ZNF680: variants seen among roughly 807,000 people sequenced by gnomAD.
ZNF680 encodes the protein hypothetical protein FLJ90430.
In ZNF680, 6 loss-of-function variants were observed where a neutral mutation model predicts 12.1. The observed-to-expected ratio is 0.49, with a 90% CI of 0.27 to 0.98. ZNF680 has a LOEUF of 0.98. ZNF680 is among the 50% of genes least tolerant of loss of function. The pLI is 0.12. For synonymous variants in ZNF680, 170 were observed against 199.3 expected (o/e 0.85, Z 1.24); for missense variants, 561 against 616.3 (o/e 0.91, Z 0.95).
chr7:64,528,313 G>C (rs1246170744), intron 3 of ZNF680, among the ~76,000 whole-genome samples: 1 of 152,158 alleles, frequency 6.6e-6, no homozygotes, highest in Non-Finnish European at 1.5e-5. Context: ...CCAGAACTCG[G>C]CAAAGGGCGA....
intron 1 of ZNF680, among the ~76,000 whole-genome samples, chr7:64,555,444 G>C (rs967738393): frequency 6.6e-6 from 1 of 150,990 alleles, no homozygotes; most frequent in African/African-American, 2.4e-5. Flanking sequence ...CAGAAATCAA[G>C]TTCATTGCAA....
At chr7:64,529,566 G>T (rs915645011) in intron 3 of ZNF680, among the ~76,000 whole-genome samples, 4 of 152,024 alleles carry the variant, frequency 2.6e-5, no homozygotes, top group Non-Finnish European at 5.9e-5. Context: ...CAAAGACAAG[G>T]TCTTCAAATT....
intron 3 of ZNF680, among the ~76,000 whole-genome samples, chr7:64,540,978 GTATT>G (rs1239932608): frequency 6.6e-6 from 1 of 152,062 alleles, no homozygotes; most frequent in Admixed American, 6.6e-5. Context: ...CAAGAAATTA[GTATT>G]TATGTTTTAA....
At chr7:64,532,488 T>G (rs763322141) in intron 3 of ZNF680, among the ~76,000 whole-genome samples, 4 of 152,048 alleles carry the variant, frequency 2.6e-5, no homozygotes, top group Non-Finnish European at 4.4e-5. Flanking sequence ...AAAACCCTCC[T>G]ACCCTGAACA....
the ZNF680 span, chr7:64,500,683 G>T: frequency 4.3e-6 from 1 of 233,934 alleles, no homozygotes. Context: ...AAGAGACGAA[G>T]ACTGAGCGGT....
chr7:64,526,535 GA>G, intron 3 of ZNF680: 1 of 521,084 alleles, frequency 1.9e-6, no homozygotes, highest in Non-Finnish European at 3.2e-6. Flanking sequence ...TAAACAAACA[GA>G]AATGCTAAAA....
At chr7:64,519,506 AG>A (rs1187840679), downstream of ZNF680, among the ~76,000 whole-genome samples, 3 of 151,794 alleles carry the variant, frequency 2.0e-5, no homozygotes, top group African/African-American at 7.2e-5. Context: ...GAGGAAAAAA[AG>A]GCATTATATG....
At chr7:64,503,207 A>G in the ZNF680 span, among the ~76,000 whole-genome samples, 1 of 152,068 alleles carries the variant, frequency 6.6e-6, no homozygotes, top group African/African-American at 2.4e-5. Context: ...TTTAGACAAA[A>G]ATAATGAACT....
the ZNF680 span, among the ~76,000 whole-genome samples, chr7:64,502,804 T>A: frequency 6.6e-6 from 1 of 152,322 alleles, no homozygotes; most frequent in South Asian, 2.1e-4. Flanking sequence ...CAAAACCGAA[T>A]AATATATCTG....
At position 64,520,948 on chromosome 7, in the gene ZNF680, C is replaced by A. The variant is rs1161132815; in HGVS notation, c.*213G>T. 4.0e-6 allele frequency: 2 copies of A among 501,602 alleles called. No individual in the cohort carries two copies. Among genetic ancestry groups the A allele is most frequent in the East Asian group, 3.5e-5 (1 of 28,538 alleles). The allele number at this position is 501,602 out of a possible 1,614,324, so 31.1% of individuals were successfully genotyped here. ...CAATGACTTTTTCACATTCTTTATA[C>A]TTGTACAATCTTTCTCAAGTAAAAA... On this transcript the variant is annotated 3_prime_UTR_variant, in exon 4 of 4. Coordinates refer to ENST00000309683, the MANE Select transcript of ZNF680 (RefSeq NM_178558.5).
At chr7:64,512,902 TAAAA>T in the ZNF680 span, among the ~76,000 whole-genome samples, 110 of 152,272 alleles carry the variant, frequency 7.2e-4, no homozygotes, top group African/African-American at 2.6e-3. Flanking sequence ...CTTTAATCTT[TAAAA>T]AATAAAATCA....
At chr7:64,522,614 A>G in intron 3 of ZNF680, 114 bp from the exon 4 acceptor site, 1 of 866,900 alleles carries the variant, frequency 1.2e-6, no homozygotes, top group Non-Finnish European at 1.5e-6. Context: ...AAAAATAAAT[A>G]ACTAAAAAAT....
chr7:64,554,693 AC>A (rs1226784541), intron 1 of ZNF680, among the ~76,000 whole-genome samples: 2 of 152,072 alleles, frequency 1.3e-5, no homozygotes, highest in African/African-American at 4.8e-5. Flanking sequence ...CTTGCCCCCA[AC>A]CCCGTGCTCT....
the ZNF680 span, among the ~76,000 whole-genome samples, chr7:64,504,223 C>A: frequency 6.6e-6 from 1 of 152,122 alleles, no homozygotes; most frequent in Non-Finnish European, 1.5e-5. Context: ...CCCTCTTTCA[C>A]TATTTCAATG....
At chr7:64,515,301 A>C (rs1366998785), downstream of ZNF680, among the ~76,000 whole-genome samples, 8 of 152,046 alleles carry the variant, frequency 5.3e-5, no homozygotes, top group Non-Finnish European at 1.0e-4. Flanking sequence ...ACACACACAT[A>C]AATGTGCACC....
chr7:64,556,038 A>C (rs1339169615), intron 1 of ZNF680, among the ~76,000 whole-genome samples: 1 of 151,734 alleles, frequency 6.6e-6, no homozygotes, highest in Non-Finnish European at 1.5e-5. Flanking sequence ...CAAAAATAAT[A>C]AAATGTCTAG....
rs559705490 is a variant in ZNF680, at chr7:64,528,032, C to T, written c.254-5532G>A. 3.9e-5 allele frequency among the ~76,000 whole-genome samples: 6 copies of T among 152,268 alleles called. No individual in the cohort carries two copies. In the East Asian group the frequency reaches 1.2e-3, roughly 29 times the overall value. On this transcript the variant is annotated intron_variant, in intron 3 of 3. Transcript: ENST00000309683. ...AGATCCTTCACCGCTGAACATGCAC[C>T]CCCACTGGGGAAACTGAAGGTCTAG...
rs188006471 is a variant in ZNF680 at position 64,521,537 on chromosome 7, T to A, written c.1217A>T (p.Tyr406Phe). 164 of 1,613,042 alleles carry A rather than the reference T, an allele frequency of 1.0e-4. 2 individuals are homozygous for A. The East Asian group carries it at 2.0e-3, about 19-fold the overall frequency. Residue 406 changes from tyrosine (Y) to phenylalanine (F), a missense_variant, in exon 4 of 4, where the codon TAC (tyrosine) becomes TTC (phenylalanine). Physicochemically the swap from Tyr to Phe is conservative, Grantham distance 22. Coordinates refer to ENST00000309683, the MANE Select transcript of ZNF680 (RefSeq NM_178558.5). The stretch of plus-strand genomic sequence containing the variant: ...AGCTTTGCCACATTCTTCACATTTG[T>A]AGGGTTTCTCTCCAGTATGAATTCT... Reference protein sequence around the residue: ...HMRIHTGEKPYKCEECGKAFN... With the variant: ...HMRIHTGEKPFKCEECGKAFN...
intron 1 of ZNF680, chr7:64,561,222 C>G (rs562731092): frequency 6.4e-6 from 1 of 155,344 alleles, no homozygotes; most frequent in African/African-American, 2.4e-5. Flanking sequence ...CTCTCAGCTC[C>G]AGGGCATCCA....
Sources: gnomAD v4.1 joint callset for allele counts (sites outside exome capture counted in the v4.1 genomes callset) on GRCh38, gnomAD v4.1.1 for gene constraint, MANE v1.5 for transcripts, NCBI Gene and HGNC (gene_info 2026-07-23, HGNC 2026-07-21) for gene names.